SBF2: variants seen among roughly 807,000 people sequenced by gnomAD.
SBF2 encodes the protein SET binding factor 2, also known as myotubularin-related protein 13.
A neutral mutation model predicts 225.2 loss-of-function variants in SBF2; 112 were observed. The ratio of observed to expected loss-of-function variants is 0.50; its 90% CI spans 0.43 to 0.58. The LOEUF (loss-of-function observed/expected upper bound fraction) is 0.58, where lower values mean the gene tolerates loss of function less well. Among genes scored for constraint, SBF2 ranks in the 20% least tolerant of loss-of-function variants. SBF2 has a pLI of 0.00. For missense variants in SBF2, 1,996 were observed against 2,206.2 expected (o/e 0.90, Z 1.91); for synonymous variants, 763 against 773.3 (o/e 0.99, Z 0.22).
chr11:10,038,539 C>A (rs536790411), intron 3 of SBF2, among the ~76,000 whole-genome samples: 98 of 152,024 alleles, frequency 6.4e-4, no homozygotes, highest in African/African-American at 2.3e-3. Flanking sequence ...GTTGCCTAGT[C>A]TGCAATTATT....
rs139210764 is a variant in SBF2 at position 10,013,080 on chromosome 11, A to G, written c.620-10391T>C. Among the ~76,000 whole-genome samples, 124 of 152,318 alleles carry G rather than the reference A, an allele frequency of 8.1e-4. No homozygotes were observed. In the Middle Eastern group the frequency reaches 0.01, roughly 13 times the overall value. ...TGCTTTCAGTTTCAGACATGTGCAT[A>G]GTTTCCCAGGCAGCCAGGCATGTAT... On this transcript the variant is annotated intron_variant, in intron 6 of 39. Transcript: ENST00000256190.
At position 9,953,195 on chromosome 11, in the gene SBF2, C is replaced by T. The variant is rs375855615; in HGVS notation, c.1860+8762G>A. On this transcript the variant is annotated intron_variant, in intron 16 of 39. Transcript: ENST00000256190. ...GCACAGTGGCTTATGCCTGTAATCC[C>T]AGCACTTTGGGAGGCTGAGACAGGT... 2.0e-5 allele frequency among the ~76,000 whole-genome samples: 3 copies of T among 152,302 alleles called. No homozygotes were observed. In the South Asian group the frequency reaches 6.2e-4, roughly 32 times the overall value.
At chr11:10,060,686 A>C (rs902962992) in intron 2 of SBF2, among the ~76,000 whole-genome samples, 6 of 152,156 alleles carry the variant, frequency 3.9e-5, no homozygotes, top group Admixed American at 3.3e-4. Context: ...ACCCACCATG[A>C]CCAAGTAGGC....
intron 1 of SBF2, among the ~76,000 whole-genome samples, chr11:10,228,161 A>T (rs1052238762): frequency 2.8e-4 from 43 of 152,154 alleles, no homozygotes; most frequent in Non-Finnish European, 6.2e-4. Context: ...TGATTTTTGC[A>T]CATTGATTTT....
In SBF2 at chr11:9,853,664, T is replaced by A; in HGVS notation, c.2412A>T (p.Glu804Asp). ...AESYDTESGF[E>D]DSENTDIANS... ...TGGCAATGTCAGTATTCTCTGAATCTTCAAACCCACTCTCTGTATCATAGC... is the reference window on the plus strand; with the variant it reads ...TGGCAATGTCAGTATTCTCTGAATCATCAAACCCACTCTCTGTATCATAGC... The change falls in exon 20 of 40, where the codon GAA becomes GAT. Residue 804 changes from glutamate to aspartate, a missense_variant. Coordinates refer to ENST00000256190, the MANE Select transcript of SBF2 (RefSeq NM_030962.4). The A allele has an allele frequency of 6.2e-7, 1 of 1,613,998 alleles. No individual in the cohort carries two copies. The highest frequency in any genetic ancestry group is 1.3e-5 in the African/African-American group (1 of 75,038).
intron 16 of SBF2, among the ~76,000 whole-genome samples, chr11:9,907,422 C>A (rs1339700272): frequency 6.6e-6 from 1 of 152,196 alleles, no homozygotes; most frequent in East Asian, 1.9e-4. Context: ...TTGTCATTTA[C>A]ATGCTTTCTC....
At chr11:10,178,264 A>T (rs1261900931) in intron 2 of SBF2, among the ~76,000 whole-genome samples, 1 of 150,872 alleles carries the variant, frequency 6.6e-6, no homozygotes, top group Non-Finnish European at 1.5e-5. Flanking sequence ...AGGCAATACC[A>T]TTCAGGACAT....
intron 26 of SBF2, chr11:9,838,456 A>G (rs1175057549): frequency 6.6e-6 from 1 of 152,240 alleles, no homozygotes; most frequent in Non-Finnish European, 1.5e-5. Context: ...ATCTTCAGAG[A>G]AAATTTAGTT....
chr11:10,066,979 A>T (rs1273647513), intron 2 of SBF2, among the ~76,000 whole-genome samples: 1 of 152,208 alleles, frequency 6.6e-6, no homozygotes, highest in Non-Finnish European at 1.5e-5. Flanking sequence ...TTATAAAAGC[A>T]TCAAGAATAT....
At chr11:10,285,971 T>C (rs147468842) in intron 1 of SBF2, among the ~76,000 whole-genome samples, 120 of 152,226 alleles carry the variant, frequency 7.9e-4, no homozygotes, top group African/African-American at 2.6e-3. Context: ...AAAACGCAAA[T>C]TAAAACCACA....
At chr11:10,196,866 A>ATATATATATTTTTTTTTT in intron 1 of SBF2, among the ~76,000 whole-genome samples, 11 of 99,312 alleles carry the variant, frequency 1.1e-4, no homozygotes, top group African/African-American at 2.8e-4. Flanking sequence ...ATATATATAT[A>ATATATATATTTTTTTTTT]TTTTTTTTTT....
chr11:9,986,766 A>G (rs1947212236), intron 13 of SBF2, among the ~76,000 whole-genome samples: 1 of 152,208 alleles, frequency 6.6e-6, no homozygotes, highest in South Asian at 2.1e-4. Flanking sequence ...ACAAGCAGCA[A>G]AATTGAAATG....
chr11:10,196,198 C>T lies in SBF2; in HGVS notation c.56-2211G>A, dbSNP rs78383920. ...CTGAATTCCTGGCATATAGTCTATA[C>T]TGAGTAAAATGTTTACTTTAATAAA... On this transcript the variant is annotated intron_variant, in intron 1 of 39. Coordinates refer to ENST00000256190, the MANE Select transcript of SBF2 (RefSeq NM_030962.4). 1.9e-4 allele frequency among the ~76,000 whole-genome samples: 29 copies of T among 152,298 alleles called. No individual in the cohort carries two copies. In the East Asian group the frequency reaches 4.6e-3, roughly 24 times the overall value.
At chr11:10,166,958 T>A (rs137918073) in intron 2 of SBF2, among the ~76,000 whole-genome samples, 8,327 of 130,466 alleles carry the variant, frequency 0.064, 315 homozygotes, top group Middle Eastern at 0.16. Context: ...CAAGACTCTG[T>A]CTCCACACAC....
intron 2 of SBF2, among the ~76,000 whole-genome samples, chr11:10,132,548 G>A (rs10770092): frequency 1.4e-5 from 2 of 145,962 alleles, no homozygotes; most frequent in Non-Finnish European, 3.0e-5. Flanking sequence ...CAGCGCGTCT[G>A]GAGTTGTTCG....
intron 2 of SBF2, among the ~76,000 whole-genome samples, chr11:10,133,695 C>G (rs1954209330): frequency 6.6e-6 from 1 of 151,500 alleles, no homozygotes; most frequent in African/African-American, 2.4e-5. Flanking sequence ...TCCCTCCACA[C>G]CTCCCTGCAA....
chr11:9,895,997 T>C lies in SBF2; in HGVS notation c.1875A>G (p.Leu625=). 1.2e-6 allele frequency: 2 copies of C among 1,613,184 alleles called. No homozygotes were observed. Among genetic ancestry groups the C allele is most frequent in the Non-Finnish European group, 1.7e-6 (2 of 1,179,352 alleles). Residue 625 remains leucine, a synonymous_variant, in exon 17 of 40, where the codon TTA becomes TTG. Coordinates refer to ENST00000256190, the MANE Select transcript of SBF2 (RefSeq NM_030962.4). The part of the protein sequence containing the change: ...MNCTLQDCSS[L]EEYNIAAALL... ...ATGCTGCGGCAATGTTGTATTCTTC[T>C]AAACTTGAACAATCCTTTAAGCAAA... is the stretch of plus-strand genomic sequence containing the variant.
chr11:9,961,777 A>C (rs1866585711), intron 16 of SBF2, 180 bp downstream of exon 16: 1 of 547,544 alleles, frequency 1.8e-6, no homozygotes, highest in South Asian at 2.8e-5. Context: ...AAGAACAAAA[A>C]CTCTTAATAT....
At chr11:10,005,683 G>T (rs1033687081) in intron 6 of SBF2, among the ~76,000 whole-genome samples, 1 of 152,142 alleles carries the variant, frequency 6.6e-6, no homozygotes, top group Non-Finnish European at 1.5e-5. Context: ...TTGGTGCTGT[G>T]ATTTGGATAC....
Sources: gnomAD v4.1 joint callset for allele counts (sites outside exome capture counted in the v4.1 genomes callset) on GRCh38, gnomAD v4.1.1 for gene constraint, MANE v1.5 for transcripts, NCBI Gene and HGNC (gene_info 2026-07-23, HGNC 2026-07-21) for gene names.